LIG1: variants seen among roughly 807,000 people sequenced by gnomAD.
LIG1 encodes the protein ligase I, DNA, ATP-dependent.
LIG1 carries 70 observed loss-of-function variants against 115.7 expected under a neutral mutation model. The observed-to-expected ratio is 0.60, with a 90% confidence interval of 0.50 to 0.74. LIG1 has a LOEUF of 0.74. Among genes scored for constraint, LIG1 ranks in the 30% least tolerant of loss-of-function variants. The pLI is 0.00. For synonymous variants in LIG1, 487 were observed against 495.3 expected (o/e 0.98, Z 0.22); for missense variants, 1,115 against 1,225.6 (o/e 0.91, Z 1.35).
At chr19:48,151,812 C>CCT (rs35844660) in intron 6 of LIG1, among the ~76,000 whole-genome samples, 77,800 of 151,764 alleles carry the variant, frequency 0.51, 20,099 homozygotes, top group East Asian at 0.68. Context: ...GGGTCCAGCC[C>CCT]GTTTGCCTAT....
intron 1 of LIG1, among the ~76,000 whole-genome samples, chr19:48,168,423 G>A (rs764744845): frequency 8.5e-5 from 13 of 152,164 alleles, no homozygotes; most frequent in Non-Finnish European, 1.8e-4. Context: ...TCCTTACCAC[G>A]GTACTCAAGG....
At chr19:48,153,624 C>T (rs530326746) in intron 6 of LIG1, among the ~76,000 whole-genome samples, 1 of 147,662 alleles carries the variant, frequency 6.8e-6, no homozygotes, top group East Asian at 2.0e-4. Context: ...GGCCCCTGCC[C>T]TTGCAGATCC....
chr19:48,145,423 T>G (rs2035052971), intron 9 of LIG1, among the ~76,000 whole-genome samples: 1 of 152,204 alleles, frequency 6.6e-6, no homozygotes, highest in South Asian at 2.1e-4. Flanking sequence ...TTCCCACTCC[T>G]GGGTGCACTT....
At chr19:48,141,407 C>CA (rs79857941) in intron 11 of LIG1, among the ~76,000 whole-genome samples, 22,991 of 152,210 alleles carry the variant, frequency 0.15, 2,016 homozygotes, top group African/African-American at 0.25. Context: ...GCTGGGATTA[C>CA]AGGCGTGAGC....
At chr19:48,143,703 T>C in intron 10 of LIG1, 104 bp from the exon 11 acceptor site, 4 of 1,114,800 alleles carry the variant, frequency 3.6e-6, no homozygotes, top group Non-Finnish European at 5.5e-6. Context: ...CCCTTGCCAA[T>C]ACCCAAATGC....
rs750315980 is a variant in LIG1 at position 48,117,751 on chromosome 19, C to A, written c.2470G>T (p.Val824Leu). 3 of 1,613,148 alleles carry A rather than the reference C, an allele frequency of 1.9e-6. No homozygotes were observed. The highest frequency in any genetic ancestry group is 1.7e-5 in the Admixed American group (1 of 59,922). ...GGAATCACAGCGCCATCTATCCGCA[C>A]GTAAGGGCGTGGGCTGGGCAGCACC... is the stretch of plus-strand genomic sequence containing the variant. ...ALVLPSPRPY[V>L]RIDGAVIPDH... The change falls in exon 26 of 28, where the codon GTG becomes TTG. Residue 824 changes from valine to leucine, a missense_variant. Val to Leu is a conservative substitution (Grantham distance 32). Transcript: ENST00000263274.
At chr19:48,150,061 G>A (rs1361276231) in intron 8 of LIG1, 27 bp downstream of exon 8, 6 of 1,614,118 alleles carry the variant, frequency 3.7e-6, no homozygotes, top group South Asian at 1.1e-5. Context: ...ACAACCCCGG[G>A]AGGTGGGGTG....
chr19:48,162,169 C>A, intron 3 of LIG1, 93 bp downstream of exon 3: 1 of 1,264,240 alleles, frequency 7.9e-7, no homozygotes, highest in South Asian at 1.2e-5. Flanking sequence ...TTTTGGGCCC[C>A]AAGACATTTT....
intron 16 of LIG1, among the ~76,000 whole-genome samples, chr19:48,135,302 T>C (rs1303396866): frequency 2.0e-5 from 3 of 152,164 alleles, no homozygotes; most frequent in Non-Finnish European, 2.9e-5. Context: ...TTTGTATTTT[T>C]AGTAGAGACA....
chr19:48,142,848 G>A (rs1409540733), intron 11 of LIG1, among the ~76,000 whole-genome samples: 1 of 152,134 alleles, frequency 6.6e-6, no homozygotes, highest in African/African-American at 2.4e-5. Context: ...TCACCATGTT[G>A]GCCAGGCTGG....
intron 19 of LIG1, among the ~76,000 whole-genome samples, chr19:48,130,696 G>C (rs1419371460): frequency 6.6e-6 from 1 of 152,338 alleles, no homozygotes; most frequent in East Asian, 1.9e-4. Flanking sequence ...GTCCAGGAAA[G>C]TGTTAACTCA....
chr19:48,127,508 T>G, intron 20 of LIG1, 160 bp from the exon 21 acceptor site: 1 of 674,730 alleles, frequency 1.5e-6, no homozygotes, highest in Non-Finnish European at 2.7e-6. Context: ...GCTGGATCGT[T>G]AACGGCTCTC....
At chr19:48,140,565 C>T (rs966882546) in intron 11 of LIG1, among the ~76,000 whole-genome samples, 4 of 152,218 alleles carry the variant, frequency 2.6e-5, no homozygotes, top group Non-Finnish European at 5.9e-5. Flanking sequence ...CACAAATTAG[C>T]TACAAGATTA....
intron 7 of LIG1, 87 bp downstream of exon 7, chr19:48,151,145 G>A: frequency 1.3e-6 from 1 of 760,430 alleles, no homozygotes; most frequent in East Asian, 2.5e-5. Context: ...GAGAATCTAT[G>A]CCTTGTTTAA....
chr19:48,140,112 G>C lies in LIG1; in HGVS notation c.946C>G (p.Leu316Val). 1.2e-6 allele frequency: 2 copies of C among 1,613,772 alleles called. No individual in the cohort carries two copies. The highest frequency in any genetic ancestry group is 1.7e-6 in the Non-Finnish European group (2 of 1,180,034). The change falls in exon 12 of 28, where the codon CTG (leucine) becomes GTG (valine). Residue 316 changes from leucine to valine, a missense_variant. Leu to Val is a conservative substitution (Grantham distance 32). Coordinates refer to ENST00000263274, the MANE Select transcript of LIG1 (RefSeq NM_000234.3). ...LRMVETLSNL[L>V]RSVVALSPPD... ...GGCGACAGGGCCACCACGGAGCGCA[G>C]CAAGTTGCTCAGCGTCTCCACCATC...
In LIG1 at chr19:48,137,209, G is replaced by C. The variant is rs2034448158; in HGVS notation, c.1255-125C>G. On this transcript the variant is annotated intron_variant, in intron 13 of 27. Coordinates refer to ENST00000263274, the MANE Select transcript of LIG1 (RefSeq NM_000234.3). This position sits in a 1 kb window ranked among gnomAD's most constrained non-coding sequence, Gnocchi z 4.3. ...CCTCCTTCCCTCACCCCATCCCCAT[G>C]TCCCAGCTCCCATGGCCGCCCACTC... 18 of 862,836 alleles carry C rather than the reference G, an allele frequency of 2.1e-5. No individual in the cohort carries two copies. In the South Asian group the frequency reaches 2.6e-4, roughly 13 times the overall value. 53.4% of individuals were successfully genotyped at this position (862,836 alleles called of 1,614,324 possible). A position where few individuals can be genotyped will look rare whatever the true frequency, so the allele number is the denominator to read the frequency against.
Position 48,136,171 on chromosome 19 carries a change from C to G in LIG1, c.1332-46G>C, listed in dbSNP as rs3730977. 2.6e-4 allele frequency: 362 copies of G among 1,398,312 alleles called. 1 individual carries two copies. In the East Asian group the frequency reaches 8.2e-3, roughly 31 times the overall value. The allele number at this position is 1,398,312 out of a possible 1,614,324, so 86.6% of individuals were successfully genotyped here. ...GGAAGGGGGCTTGTCTGCACCTCCC[C>G]AATCTTGCCTCCTCCCTTCTCTGAT... On this transcript the variant is annotated intron_variant, in intron 14 of 27. Transcript: ENST00000263274.
Position 48,137,708 on chromosome 19 carries a change from TG to T in LIG1, c.1088-21del, listed in dbSNP as rs1568507427. On this transcript the variant is annotated intron_variant, in intron 12 of 27. Transcript: ENST00000263274. The surrounding 1 kb of genome is among the most constrained non-coding windows in gnomAD (Gnocchi z 4.3). ...GCCGACCTTCAGGGGAGAGCGCGGG[TG>T]GGGGTGTCGAGGGTGACAGTTGTGG... 1.9e-6 allele frequency: 3 copies of T among 1,599,846 alleles called. No homozygotes were observed. Among genetic ancestry groups the T allele is most frequent in the Non-Finnish European group, 2.5e-6 (3 of 1,179,398 alleles).
At chr19:48,147,266 C>T (rs2035179020) in intron 9 of LIG1, 2 of 152,124 alleles carry the variant, frequency 1.3e-5, no homozygotes, top group South Asian at 2.1e-4. Flanking sequence ...TTTTTTTTAG[C>T]TTTCAGGACA....
Sources: allele counts gnomAD v4.1 joint callset (sites outside exome capture counted in the v4.1 genomes callset), GRCh38; gene constraint gnomAD v4.1.1; non-coding constraint Gnocchi (gnomAD v3.1); transcripts MANE v1.5; gene names NCBI Gene and HGNC (gene_info 2026-07-23, HGNC 2026-07-21).